ZNG1C: variants seen among roughly 807,000 people sequenced by gnomAD.
The protein encoded by ZNG1C is Zn regulated GTPase metalloprotein activator 1C, also known as zinc-regulated GTPase metalloprotein activator 1C.
the ZNG1C span, among the ~76,000 whole-genome samples, chr9:68,257,430 C>T: frequency 1.8e-4 from 10 of 54,410 alleles, 1 homozygote; most frequent in African/African-American, 7.8e-4. Flanking sequence ...TCTTTTCACA[C>T]TTTAGTTTAA....
the ZNG1C span, among the ~76,000 whole-genome samples, chr9:68,281,131 A>G: frequency 6.7e-6 from 1 of 148,158 alleles, no homozygotes; most frequent in East Asian, 2.0e-4. Flanking sequence ...TTCTTTGACT[A>G]GGAAAGGGAA....
chr9:68,259,739 G>A, the ZNG1C span, among the ~76,000 whole-genome samples: 1 of 152,184 alleles, frequency 6.6e-6, no homozygotes, highest in Admixed American at 6.5e-5. Flanking sequence ...ATGAACTCCT[G>A]ACCTCAAGTG....
the ZNG1C span, chr9:68,285,791 T>A: frequency 1.5e-6 from 1 of 683,380 alleles, no homozygotes; most frequent in Non-Finnish European, 2.4e-6. Flanking sequence ...ATGTGTGTTT[T>A]TTTTAAGAAA....
the ZNG1C span, among the ~76,000 whole-genome samples, chr9:68,265,134 CACCCG>C: frequency 6.9e-6 from 1 of 144,518 alleles, no homozygotes; most frequent in African/African-American, 2.6e-5. Context: ...TCAGGTGATC[CACCCG>C]CCTCGGCCTC....
the ZNG1C span, among the ~76,000 whole-genome samples, chr9:68,276,895 C>T: frequency 9.7e-6 from 1 of 103,576 alleles, no homozygotes; most frequent in Non-Finnish European, 2.0e-5. Context: ...TTACCTTGGG[C>T]AGTATGGCCA....
At chr9:68,249,208 A>G in the ZNG1C span, among the ~76,000 whole-genome samples, 1 of 151,632 alleles carries the variant, frequency 6.6e-6, no homozygotes, top group Non-Finnish European at 1.5e-5. Flanking sequence ...TTCTACTTCT[A>G]AGTACAGTTG....
chr9:68,261,497 TCAAA>T, the ZNG1C span, among the ~76,000 whole-genome samples: 1 of 144,634 alleles, frequency 6.9e-6, no homozygotes, highest in Non-Finnish European at 1.5e-5. Flanking sequence ...AATTACATTA[TCAAA>T]CAATCGAGCT....
chr9:68,255,599 CAGT>C, the ZNG1C span, among the ~76,000 whole-genome samples: 1 of 146,624 alleles, frequency 6.8e-6, no homozygotes, highest in African/African-American at 2.5e-5. Context: ...CAAATATTAA[CAGT>C]AGGATTTGTA....
chr9:68,268,648 C>G, the ZNG1C span, among the ~76,000 whole-genome samples: 2 of 152,208 alleles, frequency 1.3e-5, no homozygotes, highest in Non-Finnish European at 2.9e-5. Flanking sequence ...TAAAGTGAAG[C>G]GTCTTTTTAT....
the ZNG1C span, chr9:68,274,048 C>T: frequency 2.0e-5 from 3 of 148,296 alleles, no homozygotes; most frequent in Non-Finnish European, 4.5e-5. Context: ...CCACGTTGTC[C>T]ATGGCCAGGA....
At chr9:68,296,575 A>G in the ZNG1C span, among the ~76,000 whole-genome samples, 1 of 152,284 alleles carries the variant, frequency 6.6e-6, no homozygotes, top group Non-Finnish European at 1.5e-5. Flanking sequence ...GTAAGCCTGT[A>G]TGATTATGTA....
the ZNG1C span, chr9:68,247,478 A>G: frequency 1.3e-5 from 20 of 1,586,306 alleles, no homozygotes; most frequent in Non-Finnish European, 1.5e-5. Context: ...TCAAGGCTGC[A>G]TGAATAAAGT....
the ZNG1C span, among the ~76,000 whole-genome samples, chr9:68,281,189 T>A: frequency 6.6e-6 from 1 of 152,132 alleles, no homozygotes; most frequent in Non-Finnish European, 1.5e-5. Flanking sequence ...CTCGCCCTGC[T>A]TTGGCTCGCG....
the ZNG1C span, among the ~76,000 whole-genome samples, chr9:68,267,331 A>G: frequency 6.9e-6 from 1 of 145,160 alleles, no homozygotes; most frequent in African/African-American, 2.6e-5. Context: ...ATTTCATCTT[A>G]TTTTAATAGT....
the ZNG1C span, among the ~76,000 whole-genome samples, chr9:68,247,459 A>ATT: frequency 6.6e-6 from 1 of 151,766 alleles, no homozygotes; most frequent in East Asian, 1.9e-4. Flanking sequence ...GTGTACTGTA[A>ATT]TTTAGGTATC....
chr9:68,267,122 A>G, the ZNG1C span, among the ~76,000 whole-genome samples: 3 of 152,348 alleles, frequency 2.0e-5, no homozygotes, highest in East Asian at 3.9e-4. Context: ...GTTATCTTTA[A>G]TGTGTACAAT....
chr9:68,264,821 T>TTATATA, the ZNG1C span, among the ~76,000 whole-genome samples: 137 of 24,924 alleles, frequency 5.5e-3, 3 homozygotes, highest in Middle Eastern at 0.026. Flanking sequence ...GGATTGAAGA[T>TTATATA]TATATATATA....
the ZNG1C span, chr9:68,299,184 G>A: frequency 6.8e-7 from 1 of 1,465,870 alleles, no homozygotes; most frequent in Non-Finnish European, 9.2e-7. Context: ...TAACCATTCA[G>A]GTCCTCTTTT....
the ZNG1C span, among the ~76,000 whole-genome samples, chr9:68,268,438 G>A: frequency 0.08 from 11,084 of 137,926 alleles, no homozygotes; most frequent in Middle Eastern, 0.15. Flanking sequence ...AGGAACCTGG[G>A]ATGTGTGACT....
Sources: gnomAD v4.1 joint callset for allele counts (sites outside exome capture counted in the v4.1 genomes callset) on GRCh38, gnomAD v4.1.1 for gene constraint, MANE v1.5 for transcripts, NCBI Gene and HGNC (gene_info 2026-07-23, HGNC 2026-07-21) for gene names.